Variants in NAA60 observed in about 807,000 individuals in gnomAD.
NAA60 encodes the protein N-alpha-acetyltransferase 60.
Under a neutral mutation model 26.1 loss-of-function variants are expected in NAA60, and 8 were observed. That is an observed-to-expected ratio of 0.31 (90% CI 0.18 to 0.55). NAA60 has a LOEUF of 0.55. Among genes scored for constraint, NAA60 ranks in the 20% least tolerant of loss-of-function variants. The pLI, the probability that NAA60 is intolerant of heterozygous loss-of-function variation, is 0.93. For synonymous variants in NAA60, 131 were observed against 122.5 expected (o/e 1.07, Z -0.46); for missense variants, 290 against 311.3 (o/e 0.93, Z 0.51).
intron 2 of NAA60, among the ~76,000 whole-genome samples, chr16:3,472,769 A>G (rs1340599363): frequency 6.6e-6 from 1 of 152,170 alleles, no homozygotes. Context: ...TCAAACATCC[A>G]CGTGGCATAC....
At chr16:3,451,553 G>A (rs1023549348) in intron 2 of NAA60, among the ~76,000 whole-genome samples, 1 of 152,140 alleles carries the variant, frequency 6.6e-6, no homozygotes, top group Non-Finnish European at 1.5e-5. Context: ...AAATAGAAAA[G>A]GTGATCAAAC....
intron 2 of NAA60, among the ~76,000 whole-genome samples, chr16:3,465,657 T>C (rs571275914): frequency 1.4e-4 from 21 of 152,100 alleles, no homozygotes; most frequent in Non-Finnish European, 2.6e-4. Context: ...ATCCCTGCCT[T>C]CTTCTGTGTG....
rs141937885 is a variant in NAA60, at chr16:3,456,459, C to T, written c.-7+7919C>T. 2.6e-5 allele frequency among the ~76,000 whole-genome samples: 4 copies of T among 151,996 alleles called. No homozygotes were observed. In the East Asian group the frequency reaches 7.7e-4, roughly 29 times the overall value. On this transcript the variant is annotated intron_variant, in intron 2 of 7. Coordinates refer to ENST00000407558, the MANE Select transcript of NAA60 (RefSeq NM_001083601.3). ...GCAATTTCCTTTTTTTTTTTAACCCCATCTTTTATTTTGAAAATTTCAAAC... is the reference window on the plus strand; with the variant it reads ...GCAATTTCCTTTTTTTTTTTAACCCTATCTTTTATTTTGAAAATTTCAAAC...
At chr16:3,471,136 G>A (rs572688347) in intron 2 of NAA60, among the ~76,000 whole-genome samples, 1 of 152,328 alleles carries the variant, frequency 6.6e-6, no homozygotes, top group Non-Finnish European at 1.5e-5. Flanking sequence ...CAGGACATGA[G>A]AGATGCGAGC....
At chr16:3,484,426 C>T (rs1294653672) in intron 6 of NAA60, among the ~76,000 whole-genome samples, 1 of 152,326 alleles carries the variant, frequency 6.6e-6, no homozygotes, top group African/African-American at 2.4e-5. Flanking sequence ...CTTCCCCACC[C>T]CCCGTGCATC....
rs1406540754 is a variant in NAA60 at position 3,485,895 on chromosome 16, C to T, written c.*635C>T. Reference sequence around the variant, plus strand: ...CTGAGGCTCAGCCCCCTGGCACAGGCGGTCACGCATCAGGACGGTTCCTAC... The same window carrying T: ...CTGAGGCTCAGCCCCCTGGCACAGGTGGTCACGCATCAGGACGGTTCCTAC... On this transcript the variant is annotated 3_prime_UTR_variant, in exon 8 of 8. Coordinates refer to ENST00000407558, the MANE Select transcript of NAA60 (RefSeq NM_001083601.3). 1.4e-5 allele frequency: 5 copies of T among 354,162 alleles called. No homozygotes were observed. The highest frequency in any genetic ancestry group is 8.6e-5 in the African/African-American group (4 of 46,624). The allele number at this position is 354,162 out of a possible 1,614,324, so 21.9% of individuals were successfully genotyped here. A position where few individuals can be genotyped will look rare whatever the true frequency, so the allele number is the denominator to read the frequency against.
Position 3,476,206 on chromosome 16 carries a change from C to T in NAA60, c.-6-16C>T, listed in dbSNP as rs1440676791. ...CAGGCTGTGAGGTGACGCGTCCCCC[C>T]CACCCTTCCCCACAGGTGTGAATGA... On this transcript the variant is annotated splice_polypyrimidine_tract_variant and intron_variant, in intron 2 of 7. Coordinates refer to ENST00000407558, the MANE Select transcript of NAA60 (RefSeq NM_001083601.3). 1.3e-6 allele frequency: 2 copies of T among 1,569,458 alleles called. No homozygotes were observed. Among genetic ancestry groups the T allele is most frequent in the Non-Finnish European group, 8.7e-7 (1 of 1,145,048 alleles).
chr16:3,482,644 G>GGCC, intron 5 of NAA60, 46 bp downstream of exon 5: 1 of 1,161,058 alleles, frequency 8.6e-7, no homozygotes, highest in Non-Finnish European at 1.1e-6. Flanking sequence ...CCACCCCCTT[G>GGCC]CCCTACCCCA....
chr16:3,477,742 C>T (rs1399081604), intron 3 of NAA60, among the ~76,000 whole-genome samples: 3 of 150,756 alleles, frequency 2.0e-5, no homozygotes, highest in Non-Finnish European at 4.4e-5. Context: ...CCAGCCTGGC[C>T]AACATGGTGA....
At position 3,454,281 on chromosome 16, in the gene NAA60, C is replaced by G. The variant is rs112976692; in HGVS notation, c.-7+5741C>G. 2.0e-3 allele frequency among the ~76,000 whole-genome samples: 308 copies of G among 152,286 alleles called. 1 individual carries two copies. Among genetic ancestry groups the G allele is most frequent in the African/African-American group, 7.0e-3 (290 of 41,558 alleles). On this transcript the variant is annotated intron_variant, in intron 2 of 7. Coordinates refer to ENST00000407558, the MANE Select transcript of NAA60 (RefSeq NM_001083601.3). ...CATGACCTGGCAGCTTGGTATGTCGCTACACTGCAGGAGCCTGCTGGCTTC... is the reference window on the plus strand; with the variant it reads ...CATGACCTGGCAGCTTGGTATGTCGGTACACTGCAGGAGCCTGCTGGCTTC...
At chr16:3,485,362 TCCTGGAGCACCCAGGCCCAGCTGTGTGGC>T (rs1567405168) in intron 7 of NAA60, 76 bp from the exon 8 acceptor site, 1 of 475,880 alleles carries the variant, frequency 2.1e-6, no homozygotes, top group East Asian at 6.4e-5. Flanking sequence ...GGGCTCATGC[TCCTGGAGCACCCAGGCCCAGCTGTGTGGC>T]CCATAGGCAG....
chr16:3,446,419 T>C (rs1010721414), intron 1 of NAA60, among the ~76,000 whole-genome samples: 1 of 150,802 alleles, frequency 6.6e-6, no homozygotes, highest in Admixed American at 6.6e-5. Context: ...TAGTCCCAGC[T>C]ACTCGGGAGG....
intron 2 of NAA60, among the ~76,000 whole-genome samples, chr16:3,468,494 C>A (rs1435447788): frequency 6.6e-6 from 1 of 152,172 alleles, no homozygotes; most frequent in Non-Finnish European, 1.5e-5. Flanking sequence ...TACTGCCAGT[C>A]CTTGGAGGAA....
At chr16:3,448,639 T>A in intron 2 of NAA60, 99 bp downstream of exon 2, 2 of 995,360 alleles carry the variant, frequency 2.0e-6, no homozygotes, top group Non-Finnish European at 2.9e-6. Flanking sequence ...AAGTATTAAA[T>A]ATTCTCTTAA....
chr16:3,464,586 G>A (rs2035619903), intron 2 of NAA60, among the ~76,000 whole-genome samples: 1 of 152,168 alleles, frequency 6.6e-6, no homozygotes, highest in Non-Finnish European at 1.5e-5. Flanking sequence ...TTCTCTCCGA[G>A]AACAGACAGA....
At chr16:3,468,400 C>T (rs2035900947) in intron 2 of NAA60, among the ~76,000 whole-genome samples, 1 of 152,180 alleles carries the variant, frequency 6.6e-6, no homozygotes, top group Non-Finnish European at 1.5e-5. Context: ...TCCCTGCCTC[C>T]AGACCCTATT....
At chr16:3,485,258 G>A (rs899263034) in intron 7 of NAA60, 197 bp downstream of exon 7, 1 of 636,544 alleles carries the variant, frequency 1.6e-6, no homozygotes, top group Non-Finnish European at 2.9e-6. Context: ...TGGCAACTGG[G>A]CTGTGCACCC....
intron 1 of NAA60, among the ~76,000 whole-genome samples, chr16:3,446,415 C>T (rs2034555648): frequency 6.6e-6 from 1 of 151,440 alleles, no homozygotes. Context: ...CCTGTAGTCC[C>T]AGCTACTCGG....
At chr16:3,476,427 A>AG in intron 3 of NAA60, 90 bp downstream of exon 3, 1 of 1,077,296 alleles carries the variant, frequency 9.3e-7, no homozygotes, top group Non-Finnish European at 1.4e-6. Context: ...TTGGGCCCTT[A>AG]GGACCGTGCT....
Sources: gnomAD v4.1 joint callset for allele counts (sites outside exome capture counted in the v4.1 genomes callset) on GRCh38, gnomAD v4.1.1 for gene constraint, MANE v1.5 for transcripts, NCBI Gene and HGNC (gene_info 2026-07-23, HGNC 2026-07-21) for gene names.